NOS2: variants seen among roughly 807,000 people sequenced by gnomAD.
NOS2 encodes nitric oxide synthase, inducible.
NOS2 carries 96 observed loss-of-function variants against 136.0 expected under a neutral mutation model. The ratio of observed to expected loss-of-function variants is 0.71; its 90% CI spans 0.60 to 0.84. The LOEUF (loss-of-function observed/expected upper bound fraction) is 0.84. Ranked by LOEUF, NOS2 falls within the 40% of genes least tolerant of loss-of-function variation. The pLI is 0.00. For missense variants in NOS2, 1,237 were observed against 1,496.9 expected (o/e 0.83, Z 2.87); for synonymous variants, 539 against 587.5 (o/e 0.92, Z 1.20).
rs2080571579 is a variant in NOS2, at chr17:27,798,035, G to A, written c.110+665C>T. On this transcript the variant is annotated intron_variant, in intron 2 of 26. Transcript: ENST00000313735. ...GCCTGTGTAGCTCTGGCAAGGGCAG[G>A]TACTCAGTAGATGGTGATGAACCCT... is the stretch of plus-strand genomic sequence containing the variant. 2.0e-5 allele frequency among the ~76,000 whole-genome samples: 3 copies of A among 152,232 alleles called. No individual in the cohort carries two copies. The South Asian group carries it at 6.2e-4, about 32-fold the overall frequency.
At chr17:27,772,246 C>G (rs1027699224) in intron 14 of NOS2, 62 bp downstream of exon 14, 7 of 1,594,880 alleles carry the variant, frequency 4.4e-6, no homozygotes, top group Middle Eastern at 1.7e-4. Flanking sequence ...ACCGTTTTAA[C>G]TTTTCCTAGA....
In NOS2 at chr17:27,793,542, G is replaced by C. The variant is rs1340167858; in HGVS notation, c.111-3854C>G. On this transcript the variant is annotated intron_variant, in intron 2 of 26. Coordinates refer to ENST00000313735, the MANE Select transcript of NOS2 (RefSeq NM_000625.4). ...AGAGATGGGGCCCCGCCCGGGCTCG[G>C]AGCCCACCGCTTCCCTCCCAGGGCG... 20 of 396,806 alleles carry C rather than the reference G, an allele frequency of 5.0e-5. No homozygotes were observed. In the Admixed American group the frequency reaches 7.9e-4, roughly 16 times the overall value. The allele number at this position is 396,806 out of a possible 1,614,324, so 24.6% of individuals were successfully genotyped here. A position where few individuals can be genotyped will look rare whatever the true frequency, so the allele number is the denominator to read the frequency against.
chr17:27,787,861 A>T (rs1182413309), intron 4 of NOS2, 35 bp from the exon 5 acceptor site: 3 of 1,575,236 alleles, frequency 1.9e-6, no homozygotes, highest in Non-Finnish European at 2.6e-6. Context: ...AGGGTGGGCC[A>T]TTCGGCCTCT....
At chr17:27,783,783 C>G (rs754446293) in intron 5 of NOS2, among the ~76,000 whole-genome samples, 1 of 152,232 alleles carries the variant, frequency 6.6e-6, no homozygotes, top group Non-Finnish European at 1.5e-5. Flanking sequence ...GACTCAGACC[C>G]AGGTCGCCCT....
In NOS2 at chr17:27,780,839, G is replaced by A. The variant is rs1256379778; in HGVS notation, c.932C>T (p.Ala311Val). The A allele has an allele frequency of 1.2e-6, 2 of 1,614,176 alleles. No homozygotes were observed. The highest frequency in any genetic ancestry group is 1.7e-6 in the Non-Finnish European group (2 of 1,180,006). Residue 311 changes from alanine (A) to valine (V), a missense_variant, in exon 9 of 27, where the codon GCC becomes GTC. Coordinates refer to ENST00000313735, the MANE Select transcript of NOS2 (RefSeq NM_000625.4). The stretch of plus-strand genomic sequence containing the variant: ...GAAGAGCTCAGGGTCACGGCCATTG[G>A]CCTGCAGGACCAGGGGGACCACATC... Reference protein sequence around the residue: ...RFDVVPLVLQANGRDPELFEI... With the variant: ...RFDVVPLVLQVNGRDPELFEI...
At chr17:27,799,008 C>T (rs1033747237) in intron 1 of NOS2, 126 bp from the exon 2 acceptor site, 3 of 590,676 alleles carry the variant, frequency 5.1e-6, no homozygotes, top group African/African-American at 3.7e-5. Flanking sequence ...CAATGCTTTG[C>T]AACCTCTGTC....
intron 12 of NOS2, among the ~76,000 whole-genome samples, chr17:27,774,004 C>G (rs1005914786): frequency 9.2e-5 from 14 of 152,148 alleles, no homozygotes; most frequent in Admixed American, 1.3e-4. Context: ...CCCGTGGAAG[C>G]AGGTGTAATG....
rs200470759 is a variant in NOS2, at chr17:27,759,054, G to T, written c.3181C>A (p.Arg1061=). ...KPKVYVQDIL[R]QQLASEVLRV... is the part of the protein sequence containing the mutation. ...AGCACCTCGCTGGCCAGCTGCTGCC[G>T]CAGGATGTCCTGAACATAGACCTGA... Residue 1061 remains arginine (R), a synonymous_variant, in exon 26 of 27, where the codon CGG becomes AGG. Transcript: ENST00000313735. 1 of 1,602,316 alleles carries T rather than the reference G, an allele frequency of 6.2e-7. No individual in the cohort carries two copies. The highest frequency in any genetic ancestry group is 1.3e-5 in the African/African-American group (1 of 74,652).
chr17:27,796,077 GC>G (rs1909345006), intron 2 of NOS2, among the ~76,000 whole-genome samples: 1 of 152,110 alleles, frequency 6.6e-6, no homozygotes, highest in African/African-American at 2.4e-5. Context: ...GATCACTAGG[GC>G]CCAGAGTTCG....
rs1908401628 is a variant in NOS2 at position 27,769,032 on chromosome 17, T to C, written c.1979A>G (p.Asp660Gly). Residue 660 changes from aspartate to glycine, a missense_variant, in exon 17 of 27, where the codon GAT becomes GGT. Around this residue, in one of 3 missense-constraint regions of NOS2, gnomAD observed 782 missense variants for 909.9 expected, o/e 0.86. Coordinates refer to ENST00000313735, the MANE Select transcript of NOS2 (RefSeq NM_000625.4). ...ASQLTPMGEG[D>G]ELSGQEDAFR... ...GGCGTCCTCCTGCCCACTGAGCTCA[T>C]CCCCTTCTCCCATCGGGGTGAGCTG... is the stretch of plus-strand genomic sequence containing the variant. 6.2e-7 allele frequency: 1 copy of C among 1,612,470 alleles called. No homozygotes were observed. The highest frequency in any genetic ancestry group is 8.5e-7 in the Non-Finnish European group (1 of 1,179,446).
chr17:27,783,521 C>T (rs929761646), intron 5 of NOS2, among the ~76,000 whole-genome samples: 2 of 152,136 alleles, frequency 1.3e-5, no homozygotes, highest in African/African-American at 4.8e-5. Flanking sequence ...TAGCAATGTC[C>T]TGCCTCTCCA....
chr17:27,794,259 TA>T (rs2142529414), intron 2 of NOS2, among the ~76,000 whole-genome samples: 1 of 152,300 alleles, frequency 6.6e-6, no homozygotes, highest in Non-Finnish European at 1.5e-5. Context: ...ACTTGTTACA[TA>T]CAGCATGTTC....
intron 25 of NOS2, among the ~76,000 whole-genome samples, chr17:27,759,746 G>A (rs28944202): frequency 4.2e-4 from 64 of 152,218 alleles, no homozygotes; most frequent in African/African-American, 9.9e-4. Flanking sequence ...ACCTCTCCCC[G>A]GGCAGTCGCG....
rs1908278816 is a variant in NOS2, at chr17:27,765,692, G to A, written c.2271C>T (p.Leu757=). 1 of 1,610,060 alleles carries A rather than the reference G, an allele frequency of 6.2e-7. No individual in the cohort carries two copies. The highest frequency in any genetic ancestry group is 8.5e-7 in the Non-Finnish European group (1 of 1,178,664). ...TSSRATILVE[L]SCEDGQGLNY... ...TCAGGCCTTGGCCATCCTCACAGGAGAGTTCCACCAGGATGGTGGCACGGC... is the reference window on the plus strand; with the variant it reads ...TCAGGCCTTGGCCATCCTCACAGGAAAGTTCCACCAGGATGGTGGCACGGC... Residue 757 remains leucine, a synonymous_variant, in exon 20 of 27, where the codon CTC becomes CTT. Coordinates refer to ENST00000313735, the MANE Select transcript of NOS2 (RefSeq NM_000625.4).
intron 5 of NOS2, among the ~76,000 whole-genome samples, chr17:27,784,175 A>ACC (rs1908943960): frequency 8.6e-6 from 1 of 115,846 alleles, no homozygotes; most frequent in African/African-American, 3.6e-5. Context: ...CACCACCACC[A>ACC]ACAACAACAA....
In NOS2 at chr17:27,761,046, G is replaced by A. The variant is rs543686093; in HGVS notation, c.2888+98C>T. 3.4e-6 allele frequency: 4 copies of A among 1,160,186 alleles called. No individual in the cohort carries two copies. In the East Asian group the frequency reaches 7.8e-5, roughly 23 times the overall value. The allele number at this position is 1,160,186 out of a possible 1,614,324, so 71.9% of individuals were successfully genotyped here. A position where few individuals can be genotyped will look rare whatever the true frequency, so the allele number is the denominator to read the frequency against. On this transcript the variant is annotated intron_variant, in intron 23 of 26. Coordinates refer to ENST00000313735, the MANE Select transcript of NOS2 (RefSeq NM_000625.4). Reference sequence around the variant, plus strand: ...CCAGTGCCTTCTTTATGGGCCAAGGGGCTCCGAGCGTCTCCTAAACCCCAG... The same window carrying A: ...CCAGTGCCTTCTTTATGGGCCAAGGAGCTCCGAGCGTCTCCTAAACCCCAG...
chr17:27,796,808 A>C (rs1362320831), intron 2 of NOS2, among the ~76,000 whole-genome samples: 1 of 152,162 alleles, frequency 6.6e-6, no homozygotes, highest in Non-Finnish European at 1.5e-5. Context: ...GGGCGAAGCC[A>C]CTGCCCCTCT....
intron 3 of NOS2, among the ~76,000 whole-genome samples, chr17:27,789,385 T>G (rs562703336): frequency 5.3e-5 from 8 of 152,290 alleles, no homozygotes; most frequent in African/African-American, 1.7e-4. Context: ...TCAGTGCACC[T>G]TGGGGGCCAC....
chr17:27,759,521 A>G (rs1908044215), intron 25 of NOS2, among the ~76,000 whole-genome samples: 1 of 152,112 alleles, frequency 6.6e-6, no homozygotes, highest in African/African-American at 2.4e-5. Flanking sequence ...CTCCTGCTCC[A>G]CACAGGATGC....
Sources: gnomAD v4.1 joint callset for allele counts (sites outside exome capture counted in the v4.1 genomes callset) on GRCh38, gnomAD v4.1.1 for gene constraint, gnomAD v4.1.1 regional missense constraint, MANE v1.5 for transcripts, NCBI Gene and HGNC (gene_info 2026-07-23, HGNC 2026-07-21) for gene names.